Variants in PLCH1 observed in about 807,000 individuals in gnomAD.
PLCH1 encodes the protein phospholipase C eta 1, also known as 1-phosphatidylinositol 4,5-bisphosphate phosphodiesterase eta-1.
Under a neutral mutation model 126.7 loss-of-function variants are expected in PLCH1, and 60 were observed. The ratio of observed to expected loss-of-function variants is 0.47; its 90% CI spans 0.38 to 0.59. PLCH1 has a LOEUF of 0.59. PLCH1 is among the 20% of genes least tolerant of loss of function. The probability of loss-of-function intolerance (pLI) is 0.00; values close to 1 mark genes in which losing one functional copy is unlikely to be tolerated. For missense variants in PLCH1, 1,723 were observed against 2,040.0 expected (o/e 0.84, Z 2.99); for synonymous variants, 719 against 734.9 (o/e 0.98, Z 0.35).
chr3:155,468,172 GTTGCTATCAGGTTAAAATA>G (rs1202894304), intron 21 of PLCH1, among the ~76,000 whole-genome samples: 4 of 152,210 alleles, frequency 2.6e-5, no homozygotes, highest in Non-Finnish European at 5.9e-5. Flanking sequence ...TGCAAATAAT[GTTGCTATCAGGTTAAAATA>G]ATGGGTTATA....
chr3:155,456,314 C>T (rs947625403), intron 21 of PLCH1, among the ~76,000 whole-genome samples: 1 of 148,268 alleles, frequency 6.7e-6, no homozygotes, highest in Non-Finnish European at 1.5e-5. Flanking sequence ...AATACACTAA[C>T]ACTAATGATA....
rs561637998 is a variant in PLCH1, at chr3:155,608,810, T to C, written c.80-12432A>G. Among the ~76,000 whole-genome samples the C allele has an allele frequency of 2.4e-4, 37 of 152,272 alleles. No individual in the cohort carries two copies. The South Asian group carries it at 7.3e-3, about 30-fold the overall frequency. ...AAGACATAAAGTCTTGGAAACTTTA[T>C]GGCCCTGCCCATCGCCTGAGAAACC... is the stretch of plus-strand genomic sequence containing the variant. On this transcript the variant is annotated intron_variant, in intron 2 of 22. Coordinates refer to ENST00000460012, the MANE Select transcript of PLCH1 (RefSeq NM_014996.4).
At chr3:155,692,764 T>A (rs1184224237) in intron 2 of PLCH1, among the ~76,000 whole-genome samples, 1 of 47,428 alleles carries the variant, frequency 2.1e-5, no homozygotes, top group African/African-American at 2.4e-4. Context: ...CATTAGCAAT[T>A]TTTTTTTTTT....
chr3:155,570,453 A>G (rs968029941), intron 6 of PLCH1, among the ~76,000 whole-genome samples: 6 of 152,192 alleles, frequency 3.9e-5, no homozygotes, highest in Non-Finnish European at 5.9e-5. Flanking sequence ...GCTGTCTCCA[A>G]TACTGAATAT....
rs534180035 is a variant in PLCH1, at chr3:155,464,690, G to T, written c.2938+20666C>A. 2.3e-4 allele frequency among the ~76,000 whole-genome samples: 35 copies of T among 152,222 alleles called. 1 individual carries two copies. The highest frequency in any genetic ancestry group is 2.1e-3 in the South Asian group (10 of 4,826). ...CCCTCCTGATAAGTGAAACCCTGAT[G>T]AATCCAAAGCTTTTATTAAAATTTA... On this transcript the variant is annotated intron_variant, in intron 21 of 21. Coordinates refer to the PLCH1 transcript ENST00000494598.
At chr3:155,589,418 A>C (rs959871882) in intron 4 of PLCH1, among the ~76,000 whole-genome samples, 5 of 152,168 alleles carry the variant, frequency 3.3e-5, no homozygotes, top group African/African-American at 1.2e-4. Flanking sequence ...TAATTTTCAC[A>C]GGTCACAAAA....
chr3:155,468,551 C>G (rs1312006825), intron 21 of PLCH1, among the ~76,000 whole-genome samples: 1 of 152,138 alleles, frequency 6.6e-6, no homozygotes, highest in African/African-American at 2.4e-5. Flanking sequence ...TGGAAAAAGG[C>G]ATTCCATGCT....
intron 2 of PLCH1, among the ~76,000 whole-genome samples, chr3:155,607,290 A>G (rs1734485985): frequency 6.6e-6 from 1 of 152,172 alleles, no homozygotes; most frequent in African/African-American, 2.4e-5. Context: ...GTGTATTTAT[A>G]TGCGTTGCCT....
intron 1 of PLCH1, chr3:155,743,148 A>T (rs1659155228): frequency 2.7e-6 from 1 of 374,442 alleles, no homozygotes; most frequent in Non-Finnish European, 5.2e-6. Flanking sequence ...TAAGATGTGT[A>T]CTTTTGCCAA....
At chr3:155,654,963 T>C (rs1741182258) in intron 2 of PLCH1, among the ~76,000 whole-genome samples, 1 of 152,230 alleles carries the variant, frequency 6.6e-6, no homozygotes, top group Admixed American at 6.5e-5. Context: ...TCCACTGCCC[T>C]GGCCTCCTTG....
intron 2 of PLCH1, among the ~76,000 whole-genome samples, chr3:155,630,221 T>A (rs1737868426): frequency 6.6e-6 from 1 of 152,284 alleles, no homozygotes; most frequent in Admixed American, 6.5e-5. Flanking sequence ...TTTTAAAAAA[T>A]TAAAGAGTAT....
chr3:155,487,516 G>A (rs1009355228), intron 21 of PLCH1, among the ~76,000 whole-genome samples: 2 of 152,132 alleles, frequency 1.3e-5, no homozygotes, highest in South Asian at 2.1e-4. Flanking sequence ...TTACATGGTC[G>A]CCTTTTCAGT....
chr3:155,496,959 C>T (rs1576828127), intron 15 of PLCH1, among the ~76,000 whole-genome samples: 1 of 152,284 alleles, frequency 6.6e-6, no homozygotes, highest in Middle Eastern at 3.4e-3. Context: ...TTCTTTTGGT[C>T]ATTCGCATTT....
chr3:155,606,135 T>G (rs1231482074), intron 2 of PLCH1, among the ~76,000 whole-genome samples: 5 of 152,196 alleles, frequency 3.3e-5, no homozygotes, highest in Admixed American at 3.3e-4. Context: ...TCAAAAGGGC[T>G]TTATGCTTTT....
In PLCH1 at chr3:155,456,352, AT is replaced by A. The variant is rs1182786359; in HGVS notation, c.2938+29003del. On this transcript the variant is annotated intron_variant, in intron 21 of 21. Transcript: ENST00000494598. ...TAATGAGCTAAAAAAAAAAAAAAAA[AT>A]CTCATAATGGTTTAAGAAAGTTTAC... Among the ~76,000 whole-genome samples the A allele has an allele frequency of 5.8e-4, 87 of 151,098 alleles. 1 individual carries two copies. Among genetic ancestry groups the A allele is most frequent in the African/African-American group, 1.8e-3 (75 of 41,162 alleles).
At chr3:155,572,000 C>T (rs1172097290) in intron 6 of PLCH1, among the ~76,000 whole-genome samples, 1 of 152,188 alleles carries the variant, frequency 6.6e-6, no homozygotes, top group African/African-American at 2.4e-5. Context: ...GACATTCCTA[C>T]TCATTTGGTT....
chr3:155,562,150 G>T (rs1727715520), intron 8 of PLCH1, among the ~76,000 whole-genome samples: 1 of 152,132 alleles, frequency 6.6e-6, no homozygotes, highest in Non-Finnish European at 1.5e-5. Flanking sequence ...TGCATACTTT[G>T]TAAATTAAAA....
intron 10 of PLCH1, among the ~76,000 whole-genome samples, chr3:155,526,892 T>C (rs78658623): frequency 0.017 from 2,599 of 152,294 alleles, 37 homozygotes; most frequent in Non-Finnish European, 0.025. Flanking sequence ...ACAAATCCAC[T>C]GAAGATACCA....
intron 1 of PLCH1, among the ~76,000 whole-genome samples, chr3:155,709,450 GGTGTTACAA>G (rs886672260): frequency 6.6e-6 from 1 of 152,132 alleles, no homozygotes; most frequent in Non-Finnish European, 1.5e-5. Context: ...GCCAGCATTT[GGTGTTACAA>G]GTGTTCTGGA....
Sources: allele counts gnomAD v4.1 joint callset (sites outside exome capture counted in the v4.1 genomes callset), GRCh38; gene constraint gnomAD v4.1.1; transcripts MANE v1.5; gene names NCBI Gene and HGNC (gene_info 2026-07-23, HGNC 2026-07-21).